The following CNTNAP5 variants were observed in gnomAD, a reference collection of about 807,000 sequenced individuals.
CNTNAP5 encodes the protein contactin-associated protein-like 5.
Under a neutral mutation model 150.2 loss-of-function variants are expected in CNTNAP5, and 72 were observed. The observed-to-expected ratio is 0.48, with a 90% CI of 0.40 to 0.58. CNTNAP5 has a LOEUF of 0.58. Ranked by LOEUF, CNTNAP5 falls within the 20% of genes least tolerant of loss-of-function variation. CNTNAP5 has a pLI of 0.00. For synonymous variants in CNTNAP5, 672 were observed against 619.8 expected (o/e 1.08, Z -1.25); for missense variants, 1,636 against 1,626.2 (o/e 1.01, Z -0.10).
intron 7 of CNTNAP5, among the ~76,000 whole-genome samples, chr2:124,494,219 G>C (rs1004643591): frequency 6.6e-6 from 1 of 152,000 alleles, no homozygotes; most frequent in African/African-American, 2.4e-5. Context: ...CTAACTCCAA[G>C]TTTGAAGGCT....
intron 19 of CNTNAP5, among the ~76,000 whole-genome samples, chr2:124,816,250 C>CAG (rs1682358503): frequency 6.6e-6 from 1 of 152,148 alleles, no homozygotes; most frequent in South Asian, 2.1e-4. Flanking sequence ...GTGCTCTATT[C>CAG]AGGGGCTCAC....
intron 1 of CNTNAP5, among the ~76,000 whole-genome samples, chr2:124,050,017 TC>T (rs1215842090): frequency 6.6e-6 from 1 of 152,136 alleles, no homozygotes; most frequent in Non-Finnish European, 1.5e-5. Flanking sequence ...AGTTTCTACT[TC>T]CTAATAGTGT....
chr2:124,707,483 G>C (rs1679716083), intron 13 of CNTNAP5, among the ~76,000 whole-genome samples: 1 of 152,112 alleles, frequency 6.6e-6, no homozygotes, highest in Admixed American at 6.5e-5. Context: ...AATAAATCCA[G>C]AGTGCAATAA....
At chr2:124,662,554 A>G (rs1678614514) in intron 13 of CNTNAP5, among the ~76,000 whole-genome samples, 1 of 152,210 alleles carries the variant, frequency 6.6e-6, no homozygotes, top group Admixed American at 6.5e-5. Context: ...AGTTATATAA[A>G]TGAGGAAATG....
rs533215550 is a variant in CNTNAP5, at chr2:124,590,217, A to ATACCC, written c.1757-19581_1757-19577dup. Among the ~76,000 whole-genome samples, 646 of 152,322 alleles carry ATACCC rather than the reference A, an allele frequency of 4.2e-3. 3 individuals are homozygous for ATACCC. Among genetic ancestry groups the ATACCC allele is most frequent in the African/African-American group, 0.015 (609 of 41,578 alleles). The stretch of plus-strand genomic sequence containing the variant: ...TACTTTATAAATTACTAGGTCTCAC[A>ATACCC]TACCCTATTATAGCAGACAGCGAAC... On this transcript the variant is annotated intron_variant, in intron 11 of 23. Transcript: ENST00000682447.
At chr2:124,694,236 G>A (rs1410832457) in intron 13 of CNTNAP5, among the ~76,000 whole-genome samples, 1 of 152,104 alleles carries the variant, frequency 6.6e-6, no homozygotes, top group East Asian at 1.9e-4. Flanking sequence ...AAATAGTTTT[G>A]TCTTATTTTT....
chr2:124,637,447 G>T (rs1029754533), intron 12 of CNTNAP5, among the ~76,000 whole-genome samples: 1 of 152,182 alleles, frequency 6.6e-6, no homozygotes, highest in Non-Finnish European at 1.5e-5. Flanking sequence ...AGTGCAGCCC[G>T]TGAGCAGACA....
intron 4 of CNTNAP5, among the ~76,000 whole-genome samples, chr2:124,425,770 C>T (rs1437975993): frequency 6.6e-6 from 1 of 152,138 alleles, no homozygotes. Flanking sequence ...TTTGCTATGT[C>T]GCTGTTAGGG....
At chr2:124,492,709 T>A (rs540449233) in intron 7 of CNTNAP5, among the ~76,000 whole-genome samples, 1 of 152,128 alleles carries the variant, frequency 6.6e-6, no homozygotes, top group Admixed American at 6.6e-5. Context: ...TACTCGAACA[T>A]GGGATATCTT....
At position 124,524,556 on chromosome 2, in the gene CNTNAP5, C is replaced by T. The variant is rs888407649; in HGVS notation, c.1477+104C>T. The T allele has an allele frequency of 7.3e-6, 8 of 1,102,646 alleles. No individual in the cohort carries two copies. The African/African-American group carries it at 7.8e-5, about 11-fold the overall frequency. The allele number at this position is 1,102,646 out of a possible 1,614,324, so 68.3% of individuals were successfully genotyped here. On this transcript the variant is annotated intron_variant, in intron 9 of 23. Coordinates refer to ENST00000682447, the MANE Select transcript of CNTNAP5 (RefSeq NM_001367498.1). ...CTGGTTTGGTCAATTAGACAATTCT[C>T]CCAACACACAAACACACACACACAT...
At chr2:124,588,248 T>A (rs975615794) in intron 11 of CNTNAP5, among the ~76,000 whole-genome samples, 6 of 150,610 alleles carry the variant, frequency 4.0e-5, no homozygotes, top group Admixed American at 2.0e-4. Flanking sequence ...TCTTTCTTTA[T>A]TTCCTCTTTC....
chr2:124,111,144 A>G (rs1683288946), intron 1 of CNTNAP5, among the ~76,000 whole-genome samples: 1 of 152,198 alleles, frequency 6.6e-6, no homozygotes, highest in Non-Finnish European at 1.5e-5. Context: ...TGGCTGGAAG[A>G]CAATCAAAAA....
At chr2:124,807,471 G>T in intron 19 of CNTNAP5, among the ~76,000 whole-genome samples, 1 of 152,166 alleles carries the variant, frequency 6.6e-6, no homozygotes, top group East Asian at 1.9e-4. Flanking sequence ...CCAAGGCATA[G>T]TTTTCGTAGT....
At chr2:124,251,856 G>A (rs1488470229) in intron 3 of CNTNAP5, among the ~76,000 whole-genome samples, 1 of 152,144 alleles carries the variant, frequency 6.6e-6, no homozygotes, top group African/African-American at 2.4e-5. Context: ...GAGAGCTAGA[G>A]TTCCACGAAT....
chr2:124,683,134 T>G (rs2105070858), intron 13 of CNTNAP5, among the ~76,000 whole-genome samples: 1 of 152,292 alleles, frequency 6.6e-6, no homozygotes, highest in African/African-American at 2.4e-5. Flanking sequence ...TAATCTCAAT[T>G]ATTGAGGAGT....
intron 13 of CNTNAP5, among the ~76,000 whole-genome samples, chr2:124,699,392 AT>A (rs1411295951): frequency 6.6e-6 from 1 of 152,062 alleles, no homozygotes; most frequent in African/African-American, 2.4e-5. Flanking sequence ...CCCCCAGAAT[AT>A]TTTCTGCTTT....
chr2:124,408,174 A>T (rs1229328226), intron 3 of CNTNAP5, among the ~76,000 whole-genome samples: 1 of 152,174 alleles, frequency 6.6e-6, no homozygotes, highest in African/African-American at 2.4e-5. Context: ...CGCTTTTCCG[A>T]CGGGCTTAAA....
intron 11 of CNTNAP5, among the ~76,000 whole-genome samples, chr2:124,602,474 A>G (rs1697009348): frequency 6.6e-6 from 1 of 151,780 alleles, no homozygotes; most frequent in South Asian, 2.1e-4. Flanking sequence ...GTTTGATGCA[A>G]CATCTTATTT....
chr2:124,897,634 T>A (rs1678333077), intron 21 of CNTNAP5, among the ~76,000 whole-genome samples: 1 of 151,368 alleles, frequency 6.6e-6, no homozygotes, highest in Admixed American at 6.6e-5. Context: ...TAAGTCAGGC[T>A]AGAGAAATAA....
Sources: allele counts gnomAD v4.1 joint callset (sites outside exome capture counted in the v4.1 genomes callset), GRCh38; gene constraint gnomAD v4.1.1; transcripts MANE v1.5; gene names NCBI Gene and HGNC (gene_info 2026-07-23, HGNC 2026-07-21).